The following PRKN variants were observed in gnomAD, a reference collection of about 807,000 sequenced individuals.
PRKN encodes E3 ubiquitin-protein ligase parkin.
In PRKN, 56 loss-of-function variants were observed where a neutral mutation model predicts 59.5. The ratio of observed to expected loss-of-function variants is 0.94; its 90% CI spans 0.76 to 1.18. PRKN has a LOEUF of 1.18. PRKN is among the 50% of genes most tolerant of loss of function. The pLI is 0.00. For missense variants in PRKN, 657 were observed against 596.4 expected, an observed-to-expected ratio of 1.10 and a Z score of -1.06; for synonymous variants, 250 against 222.1, an observed-to-expected ratio of 1.13 and a Z score of -1.12.
chr6:161,661,050 G>A lies in PRKN; in HGVS notation c.872-91634C>T, dbSNP rs115483584. Among the ~76,000 whole-genome samples the A allele has an allele frequency of 8.6e-3, 1,314 of 152,074 alleles. 25 individuals carry two copies. The highest frequency in any genetic ancestry group is 0.068 in the East Asian group (349 of 5,156). ...GGTGGCTTCTCACTGACCTCAGCAC[G>A]CCCACTGCTGGTGGAAACCTCCATC... On this transcript the variant is annotated intron_variant, in intron 7 of 11. Coordinates refer to ENST00000366898, the MANE Select transcript of PRKN (RefSeq NM_004562.3).
At position 161,842,310 on chromosome 6, in the gene PRKN, C is replaced by T. The variant is rs115488205; in HGVS notation, c.735-56402G>A. On this transcript the variant is annotated intron_variant, in intron 6 of 11. Coordinates refer to ENST00000366898, the MANE Select transcript of PRKN (RefSeq NM_004562.3). Reference sequence around the variant, plus strand: ...CAGGAGTTCAAGACCATAGTGAAACCTCGTCTTTACTAAAAATACAAAATT... The same window carrying T: ...CAGGAGTTCAAGACCATAGTGAAACTTCGTCTTTACTAAAAATACAAAATT... 4.3e-3 allele frequency among the ~76,000 whole-genome samples: 650 copies of T among 151,904 alleles called. 5 individuals carry two copies. Among genetic ancestry groups the T allele is most frequent in the African/African-American group, 0.015 (618 of 41,470 alleles).
At chr6:162,293,242 C>T (rs1357245985) in intron 2 of PRKN, among the ~76,000 whole-genome samples, 1 of 151,994 alleles carries the variant, frequency 6.6e-6, no homozygotes, top group Admixed American at 6.6e-5. Flanking sequence ...GTGGTGAGGC[C>T]CTATGGGCTG....
At chr6:161,366,292 C>T (rs531927922) in intron 10 of PRKN, among the ~76,000 whole-genome samples, 1 of 152,218 alleles carries the variant, frequency 6.6e-6, no homozygotes, top group East Asian at 1.9e-4. Context: ...AAGCCATGGG[C>T]AGCAGCGTGG....
chr6:162,223,113 G>GT, intron 3 of PRKN, among the ~76,000 whole-genome samples: 1 of 150,742 alleles, frequency 6.6e-6, no homozygotes, highest in South Asian at 2.1e-4. Flanking sequence ...GCGGTGTTTG[G>GT]TTTTTTGTCC....
rs142876568 is a variant in PRKN at position 162,503,100 on chromosome 6, G to T, written c.8-59627C>A. Among the ~76,000 whole-genome samples, 119 of 147,752 alleles carry T rather than the reference G, an allele frequency of 8.1e-4. 1 individual carries two copies. In the South Asian group the frequency reaches 0.012, roughly 14 times the overall value. On this transcript the variant is annotated intron_variant, in intron 1 of 11. Coordinates refer to ENST00000366898, the MANE Select transcript of PRKN (RefSeq NM_004562.3). Reference sequence around the variant, plus strand: ...GATCATGTATTATTATTCCTCAATGGCGAATTTGGCACCCTACAGAAAATA... The same window carrying T: ...GATCATGTATTATTATTCCTCAATGTCGAATTTGGCACCCTACAGAAAATA...
At chr6:161,765,732 T>A (rs1390857320) in intron 7 of PRKN, among the ~76,000 whole-genome samples, 1 of 152,184 alleles carries the variant, frequency 6.6e-6, no homozygotes, top group Non-Finnish European at 1.5e-5. Flanking sequence ...GATGGTGGCA[T>A]TTCATCCAAC....
chr6:161,596,860 C>T (rs1781933280), intron 7 of PRKN, among the ~76,000 whole-genome samples: 1 of 152,152 alleles, frequency 6.6e-6, no homozygotes, highest in Non-Finnish European at 1.5e-5. Flanking sequence ...CAAGACCTGG[C>T]CTGAGAGCCT....
At chr6:161,383,840 G>A (rs770312194) in intron 10 of PRKN, among the ~76,000 whole-genome samples, 7 of 152,190 alleles carry the variant, frequency 4.6e-5, no homozygotes, top group African/African-American at 1.2e-4. Flanking sequence ...GACCCTGACC[G>A]AATCAGAGAC....
chr6:161,476,158 A>G (rs536786254), intron 9 of PRKN, among the ~76,000 whole-genome samples: 95 of 151,490 alleles, frequency 6.3e-4, no homozygotes, highest in African/African-American at 1.1e-3. Context: ...CTGTACTCCA[A>G]CCTGGGCGAC....
chr6:162,444,309 C>T (rs937685151), intron 1 of PRKN, among the ~76,000 whole-genome samples: 4 of 152,100 alleles, frequency 2.6e-5, no homozygotes, highest in Admixed American at 6.6e-5. Flanking sequence ...AAAGGCCCTA[C>T]ATAGTTCTGC....
At chr6:162,641,959 C>T (rs1846196159) in intron 1 of PRKN, among the ~76,000 whole-genome samples, 1 of 152,156 alleles carries the variant, frequency 6.6e-6, no homozygotes, top group South Asian at 2.1e-4. Context: ...CTATAGCTAG[C>T]TCTCCACACT....
At chr6:161,785,491 T>G (rs1329450211) in intron 7 of PRKN, among the ~76,000 whole-genome samples, 1 of 152,182 alleles carries the variant, frequency 6.6e-6, no homozygotes, top group Non-Finnish European at 1.5e-5. Context: ...GGAGAGTGAC[T>G]CTAACCCACA....
chr6:161,406,604 AGC>A (rs1562425882), intron 9 of PRKN, among the ~76,000 whole-genome samples: 4 of 152,144 alleles, frequency 2.6e-5, no homozygotes, highest in African/African-American at 9.7e-5. Context: ...TCTTAGTATT[AGC>A]CCGAAGGAAA....
chr6:162,310,890 C>T (rs1222837941), intron 2 of PRKN, among the ~76,000 whole-genome samples: 1 of 151,954 alleles, frequency 6.6e-6, no homozygotes, highest in East Asian at 1.9e-4. Context: ...ACAACCACAG[C>T]AAATACTTTG....
rs1790751639 is a variant in PRKN, at chr6:161,470,731, C to T, written c.1083+78123G>A. On this transcript the variant is annotated intron_variant, in intron 9 of 11. Transcript: ENST00000366898. This position sits in a 1 kb window ranked among gnomAD's most constrained non-coding sequence, Gnocchi z 5.1. ...AGGGCTTGTGTAGGCAGCTTCCTCC[C>T]ATCTGTCCTTCTGAGAGTGGACTGT... 1.3e-5 allele frequency among the ~76,000 whole-genome samples: 2 copies of T among 152,216 alleles called. No individual in the cohort carries two copies. The highest frequency in any genetic ancestry group is 6.5e-5 in the Admixed American group (1 of 15,286).
At chr6:162,406,626 A>G (rs1484050052) in intron 2 of PRKN, among the ~76,000 whole-genome samples, 1 of 152,184 alleles carries the variant, frequency 6.6e-6, no homozygotes, top group Admixed American at 6.5e-5. Context: ...TCCAGTGAAT[A>G]AACACAGACT....
chr6:161,887,675 GTGTCTTGAAAGAAGTTT>G (rs1795204670), intron 6 of PRKN, among the ~76,000 whole-genome samples: 1 of 152,188 alleles, frequency 6.6e-6, no homozygotes, highest in African/African-American at 2.4e-5. Flanking sequence ...AGATAGCAAT[GTGTCTTGAAAGAAGTTT>G]TTAAAAATTT....
Position 161,488,904 on chromosome 6 carries a change from G to A in PRKN, c.1083+59950C>T, listed in dbSNP as rs1777441556. Among the ~76,000 whole-genome samples the A allele has an allele frequency of 6.6e-6, 1 of 152,140 alleles. No individual in the cohort carries two copies. Among genetic ancestry groups the A allele is most frequent in the African/African-American group, 2.4e-5 (1 of 41,430 alleles). ...CATTGAATGATGAAGAGGAATTAAG[G>A]CAATGGAAAATAGAACACAGACCCT... On this transcript the variant is annotated intron_variant, in intron 9 of 11. Transcript: ENST00000366898. The surrounding 1 kb of genome is among the most constrained non-coding windows in gnomAD (Gnocchi z 4.5).
intron 6 of PRKN, among the ~76,000 whole-genome samples, chr6:161,807,372 C>T (rs149870058): frequency 2.6e-5 from 4 of 152,254 alleles, no homozygotes; most frequent in East Asian, 1.9e-4. Flanking sequence ...CATGCATACA[C>T]GCACAGAGCT....
Sources: allele counts gnomAD v4.1 joint callset (sites outside exome capture counted in the v4.1 genomes callset), GRCh38; gene constraint gnomAD v4.1.1; non-coding constraint Gnocchi (gnomAD v3.1); transcripts MANE v1.5; gene names NCBI Gene and HGNC (gene_info 2026-07-23, HGNC 2026-07-21).